Variants in ME3 observed in about 807,000 individuals in gnomAD.
ME3 encodes malic enzyme 3.
ME3 carries 48 observed loss-of-function variants against 68.9 expected under a neutral mutation model. That is an observed-to-expected ratio of 0.70 (90% CI 0.55 to 0.89). ME3 has a LOEUF of 0.89. Ranked by LOEUF, ME3 falls within the 40% of genes least tolerant of loss-of-function variation. ME3 has a pLI of 0.00. For missense variants in ME3, 675 were observed against 797.4 expected, an observed-to-expected ratio of 0.85 and a Z score of 1.85; for synonymous variants, 320 against 318.8, an observed-to-expected ratio of 1.00 and a Z score of -0.04.
At chr11:86,568,758 C>CTAG (rs1957621499) in intron 2 of ME3, among the ~76,000 whole-genome samples, 1 of 152,202 alleles carries the variant, frequency 6.6e-6, no homozygotes, top group Admixed American at 6.5e-5. Context: ...TGTGATCTGC[C>CTAG]TAGTGCCTCT....
chr11:86,589,022 G>A (rs1004555633), intron 2 of ME3, among the ~76,000 whole-genome samples: 5 of 152,150 alleles, frequency 3.3e-5, no homozygotes, highest in African/African-American at 7.2e-5. Context: ...GGCTGAGCTC[G>A]AAGGCCCTTA....
chr11:86,662,683 T>A (rs983093159), intron 2 of ME3, among the ~76,000 whole-genome samples: 7 of 152,204 alleles, frequency 4.6e-5, no homozygotes, highest in Admixed American at 3.3e-4. Context: ...TTGTATTAAA[T>A]GGGTTAACAT....
intron 2 of ME3, among the ~76,000 whole-genome samples, chr11:86,577,133 A>G (rs1238356809): frequency 2.6e-5 from 4 of 152,138 alleles, no homozygotes; most frequent in Non-Finnish European, 5.9e-5. Flanking sequence ...CAATGGACAC[A>G]ACTGTGCTTT....
exon 8 of ME3, chr11:86,465,179 G>A: frequency 6.2e-7 from 1 of 1,612,522 alleles, no homozygotes; most frequent in South Asian, 1.1e-5. Context: ...CTTCAAATTG[G>A]ATGAGGCAAT....
chr11:86,563,943 T>C (rs1057321470), intron 2 of ME3, among the ~76,000 whole-genome samples: 1 of 152,180 alleles, frequency 6.6e-6, no homozygotes, highest in African/African-American at 2.4e-5. Flanking sequence ...CTTTTTTGCT[T>C]CCACATGGAT....
intron 4 of ME3, among the ~76,000 whole-genome samples, 179 bp from the exon 5 acceptor site, chr11:86,509,046 T>C (rs1041952670): frequency 3.9e-5 from 6 of 152,178 alleles, no homozygotes; most frequent in African/African-American, 1.4e-4. Context: ...TCCAATTGCT[T>C]CTCTCCACAG....
intron 11 of ME3, 33 bp downstream of exon 11, chr11:86,448,117 G>A: frequency 4.8e-6 from 7 of 1,471,814 alleles, no homozygotes; most frequent in Non-Finnish European, 6.7e-6. Context: ...AGGGTTAGCT[G>A]GGCTGGGTAG....
intron 8 of ME3, chr11:86,464,025 T>C: frequency 4.9e-6 from 2 of 405,032 alleles, no homozygotes; most frequent in Non-Finnish European, 9.6e-6. Context: ...GTTCAGCGAT[T>C]AACCTTAGCT....
At chr11:86,658,236 G>A (rs537401417) in intron 2 of ME3, among the ~76,000 whole-genome samples, 40 of 151,898 alleles carry the variant, frequency 2.6e-4, no homozygotes, top group African/African-American at 8.9e-4. Flanking sequence ...CATTTGTCCT[G>A]CCTCAGCCAC....
intron 8 of ME3, chr11:86,462,664 C>A (rs554852701): frequency 8.5e-7 from 1 of 1,175,908 alleles, no homozygotes; most frequent in South Asian, 1.3e-5. Context: ...ATGTAGCAGG[C>A]GCGGTGCTGG....
intron 2 of ME3, among the ~76,000 whole-genome samples, chr11:86,651,230 A>G (rs1945398700): frequency 6.6e-6 from 1 of 152,222 alleles, no homozygotes; most frequent in Non-Finnish European, 1.5e-5. Flanking sequence ...CCTGTCTGAC[A>G]GCTTGGAAGA....
chr11:86,442,872 G>C (rs758942996), exon 14 of ME3: 2 of 1,613,618 alleles, frequency 1.2e-6, no homozygotes, highest in South Asian at 2.2e-5. Flanking sequence ...GTGGTGGGTA[G>C]AGTCTCCCCT....
chr11:86,528,381 A>G (rs1954931967), intron 4 of ME3, among the ~76,000 whole-genome samples: 1 of 152,200 alleles, frequency 6.6e-6, no homozygotes, highest in Non-Finnish European at 1.5e-5. Context: ...CTACAAAGAG[A>G]CTTAGACTCC....
chr11:86,488,188 A>G (rs920904971), intron 6 of ME3, among the ~76,000 whole-genome samples: 1 of 152,210 alleles, frequency 6.6e-6, no homozygotes, highest in African/African-American at 2.4e-5. Context: ...TCAAAAAAAA[A>G]GAAGAAAAAA....
At chr11:86,554,276 G>C (rs901662046) in intron 4 of ME3, among the ~76,000 whole-genome samples, 2 of 152,168 alleles carry the variant, frequency 1.3e-5, no homozygotes, top group African/African-American at 4.8e-5. Context: ...GGCCAGAGTG[G>C]GGTAGACTTG....
intron 4 of ME3, among the ~76,000 whole-genome samples, chr11:86,529,386 G>A (rs1480652361): frequency 6.6e-6 from 1 of 152,102 alleles, no homozygotes; most frequent in African/African-American, 2.4e-5. Context: ...ACCAAAAAAA[G>A]TCCAGGACCA....
chr11:86,659,825 G>T (rs1289390222), intron 2 of ME3, among the ~76,000 whole-genome samples: 1 of 152,206 alleles, frequency 6.6e-6, no homozygotes, highest in East Asian at 1.9e-4. Context: ...TGACAGGCAG[G>T]AAGGTAGATA....
chr11:86,513,043 A>G (rs1213645472), intron 4 of ME3, among the ~76,000 whole-genome samples: 1 of 152,216 alleles, frequency 6.6e-6, no homozygotes, highest in African/African-American at 2.4e-5. Flanking sequence ...TCAATGGAGA[A>G]GGCAAACAAA....
intron 2 of ME3, among the ~76,000 whole-genome samples, chr11:86,653,850 A>G (rs1356895388): frequency 6.6e-6 from 1 of 152,178 alleles, no homozygotes; most frequent in East Asian, 1.9e-4. Context: ...GACTGCTAGC[A>G]AGACTAATAA....
Sources: gnomAD v4.1 joint callset for allele counts (sites outside exome capture counted in the v4.1 genomes callset) on GRCh38, gnomAD v4.1.1 for gene constraint, MANE v1.5 for transcripts, NCBI Gene and HGNC (gene_info 2026-07-23, HGNC 2026-07-21) for gene names.